HSD17B11: variants seen among roughly 807,000 people sequenced by gnomAD.
HSD17B11 encodes the protein estradiol 17-beta-dehydrogenase 11.
A neutral mutation model predicts 27.8 loss-of-function variants in HSD17B11; 22 were observed. The observed-to-expected ratio is 0.79, with a 90% CI of 0.56 to 1.13. The LOEUF is 1.13. Ranked by LOEUF, HSD17B11 falls within the 50% of genes most tolerant of loss-of-function variation. The pLI, the probability that HSD17B11 is intolerant of heterozygous loss-of-function variation, is 0.00. For missense variants in HSD17B11, 314 were observed against 351.1 expected (o/e 0.89, Z 0.84); for synonymous variants, 117 against 132.8 (o/e 0.88, Z 0.82).
chr4:87,390,136 T>C (rs1387548080), intron 1 of HSD17B11, among the ~76,000 whole-genome samples: 1 of 152,058 alleles, frequency 6.6e-6, no homozygotes, highest in Admixed American at 6.5e-5. Flanking sequence ...CAATGTAGCA[T>C]TGGTTTCTGT....
At chr4:87,389,953 T>TA (rs965551793) in intron 1 of HSD17B11, among the ~76,000 whole-genome samples, 4 of 152,234 alleles carry the variant, frequency 2.6e-5, no homozygotes, top group East Asian at 3.9e-4. Context: ...TCAAACGTGG[T>TA]AAAAAATGTT....
At chr4:87,388,180 A>AC (rs1720369040) in intron 1 of HSD17B11, among the ~76,000 whole-genome samples, 1 of 151,798 alleles carries the variant, frequency 6.6e-6, no homozygotes, top group Admixed American at 6.6e-5. Flanking sequence ...AAAAAAAAAA[A>AC]CAATCTAGTG....
intron 4 of HSD17B11, among the ~76,000 whole-genome samples, chr4:87,359,034 G>A (rs1364605981): frequency 1.3e-5 from 2 of 152,032 alleles, no homozygotes; most frequent in Non-Finnish European, 2.9e-5. Flanking sequence ...TTGGCAGTTC[G>A]TCTCTTGCTC....
At chr4:87,370,755 A>ATTATTT (rs70957229) in intron 4 of HSD17B11, among the ~76,000 whole-genome samples, 11 of 57,518 alleles carry the variant, frequency 1.9e-4, no homozygotes, top group East Asian at 8.2e-4. Context: ...TATTATTATT[A>ATTATTT]TTTTTTTTTT....
chr4:87,346,851 A>G (rs1264602348), intron 5 of HSD17B11, among the ~76,000 whole-genome samples: 4 of 152,096 alleles, frequency 2.6e-5, no homozygotes, highest in Non-Finnish European at 5.9e-5. Context: ...GGAACAAAGC[A>G]AGACCTTGTC....
At chr4:87,375,180 T>G (rs561369116) in intron 2 of HSD17B11, among the ~76,000 whole-genome samples, 3 of 152,246 alleles carry the variant, frequency 2.0e-5, no homozygotes, top group African/African-American at 7.2e-5. Flanking sequence ...ATTACAGGCA[T>G]GAGTCACTGT....
At chr4:87,363,150 A>C (rs1190441770) in intron 4 of HSD17B11, among the ~76,000 whole-genome samples, 1 of 152,128 alleles carries the variant, frequency 6.6e-6, no homozygotes, top group Non-Finnish European at 1.5e-5. Context: ...TTTATGATGC[A>C]GCTTGGCCCC....
At chr4:87,378,960 ATTTTTT>A (rs781211835) in intron 2 of HSD17B11, among the ~76,000 whole-genome samples, 46 of 25,610 alleles carry the variant, frequency 1.8e-3, no homozygotes, top group African/African-American at 9.7e-3. Context: ...ATATATATAT[ATTTTTT>A]TTTTTTTTTG....
chr4:87,357,649 C>T (rs951814870), intron 4 of HSD17B11, among the ~76,000 whole-genome samples: 4 of 152,110 alleles, frequency 2.6e-5, no homozygotes, highest in Admixed American at 1.3e-4. Context: ...GCATCACTTA[C>T]GGAATAAGAA....
rs1400702698 is a variant in HSD17B11 at position 87,348,812 on chromosome 4, TTTG to T, written c.696-8209_696-8207del. ...CCTCTTTTATTTCCTTGAGCAGTGG[TTTG>T]TAGTTCTCCTTGAAGAGGTCCTTCA... On this transcript the variant is annotated intron_variant, in intron 5 of 6. Transcript: ENST00000358290. Among the ~76,000 whole-genome samples, 2 of 33,282 alleles carry T rather than the reference TTTG, an allele frequency of 6.0e-5. 1 individual carries two copies. Among genetic ancestry groups the T allele is most frequent in the East Asian group, 1.1e-3 (2 of 1,838 alleles). The allele number at this position is 33,282 out of a possible 152,430, so 21.8% of individuals were successfully genotyped here. A position where few individuals can be genotyped will look rare whatever the true frequency, so the allele number is the denominator to read the frequency against.
rs767947594 is a variant in HSD17B11 at position 87,385,584 on chromosome 4, G to A, written c.211-3222C>T. ...AGAAATGGTTAAAATGGTGTGTTAT[G>A]TCATATATTTTACCATATTTTAAAA... On this transcript the variant is annotated intron_variant, in intron 1 of 6. Transcript: ENST00000358290. 1.3e-5 allele frequency among the ~76,000 whole-genome samples: 2 copies of A among 152,118 alleles called. 1 individual carries two copies. The highest frequency in any genetic ancestry group is 4.1e-4 in the South Asian group (2 of 4,824).
chr4:87,388,475 T>C (rs887222300), intron 1 of HSD17B11, among the ~76,000 whole-genome samples: 1 of 152,178 alleles, frequency 6.6e-6, no homozygotes, highest in African/African-American at 2.4e-5. Flanking sequence ...GGCTTTGCAT[T>C]TGCTGATCCC....
At chr4:87,345,976 A>C (rs1448172680) in intron 5 of HSD17B11, among the ~76,000 whole-genome samples, 1 of 152,252 alleles carries the variant, frequency 6.6e-6, no homozygotes, top group African/African-American at 2.4e-5. Flanking sequence ...CTAAAAACAG[A>C]GTAAGAGATC....
intron 4 of HSD17B11, among the ~76,000 whole-genome samples, chr4:87,360,793 GAA>G (rs1735495688): frequency 1.3e-5 from 2 of 152,162 alleles, no homozygotes; most frequent in African/African-American, 4.8e-5. Context: ...CCTTGCAACT[GAA>G]AGAGTGACAA....
chr4:87,339,210 A>G (rs531818762), intron 6 of HSD17B11, among the ~76,000 whole-genome samples: 8 of 152,370 alleles, frequency 5.3e-5, no homozygotes, highest in Non-Finnish European at 1.0e-4. Flanking sequence ...CATGACAAGT[A>G]CAATGCCAGA....
intron 4 of HSD17B11, among the ~76,000 whole-genome samples, chr4:87,366,296 T>A (rs570721567): frequency 6.6e-6 from 1 of 152,204 alleles, no homozygotes; most frequent in South Asian, 2.1e-4. Flanking sequence ...AGAGGACTTA[T>A]CTGCGCTTTC....
Position 87,378,832 on chromosome 4 carries a change from AT to A in HSD17B11, c.318+3422del, listed in dbSNP as rs1383312396. The stretch of plus-strand genomic sequence containing the variant: ...ATATAAATATAAAATATATATATAA[AT>A]ATATATATATAAATATATATATAAA... On this transcript the variant is annotated intron_variant, in intron 2 of 6. Transcript: ENST00000358290. 2.6e-4 allele frequency among the ~76,000 whole-genome samples: 5 copies of A among 19,188 alleles called. 1 individual carries two copies. The highest frequency in any genetic ancestry group is 0.014 in the Middle Eastern group (1 of 70). 12.6% of individuals were successfully genotyped at this position (19,188 alleles called of 152,430 possible).
At chr4:87,359,567 T>C (rs1416859644) in intron 4 of HSD17B11, among the ~76,000 whole-genome samples, 1 of 152,218 alleles carries the variant, frequency 6.6e-6, no homozygotes, top group East Asian at 1.9e-4. Context: ...TCTCGCTACG[T>C]TGCATAGGCT....
intron 5 of HSD17B11, among the ~76,000 whole-genome samples, chr4:87,353,116 G>C (rs1016152946): frequency 3.8e-5 from 4 of 106,186 alleles, no homozygotes; most frequent in East Asian, 1.9e-4. Flanking sequence ...GACCGGAGCT[G>C]TTCCTATTCG....
Sources: gnomAD v4.1 joint callset for allele counts (sites outside exome capture counted in the v4.1 genomes callset) on GRCh38, gnomAD v4.1.1 for gene constraint, MANE v1.5 for transcripts, NCBI Gene and HGNC (gene_info 2026-07-23, HGNC 2026-07-21) for gene names.